Variants in ZPLD1 observed in about 807,000 individuals in gnomAD.
ZPLD1 encodes zona pellucida-like domain-containing protein 1.
ZPLD1 carries 34 observed loss-of-function variants against 47.2 expected under a neutral mutation model. That is an observed-to-expected ratio of 0.72 (90% CI 0.55 to 0.96). ZPLD1 has a LOEUF of 0.96. Among genes scored for constraint, ZPLD1 ranks in the 40% least tolerant of loss-of-function variants. The pLI is 0.00. For missense variants in ZPLD1, 512 were observed against 505.8 expected (o/e 1.01, Z -0.12); for synonymous variants, 176 against 186.2 (o/e 0.95, Z 0.45).
intron 8 of ZPLD1, among the ~76,000 whole-genome samples, chr3:102,425,751 A>G (rs1192817365): frequency 1.3e-5 from 2 of 151,966 alleles, no homozygotes; most frequent in African/African-American, 4.8e-5. Flanking sequence ...AAAGCGTGTT[A>G]ACTTCTTAAG....
At chr3:102,470,214 C>T (rs915585199) in intron 9 of ZPLD1, among the ~76,000 whole-genome samples, 180 bp from the exon 10 acceptor site, 1 of 151,964 alleles carries the variant, frequency 6.6e-6, no homozygotes, top group African/African-American at 2.4e-5. Context: ...GAAATGTGGC[C>T]CAAGCCAGGG....
chr3:102,390,553 A>G (rs1706483686), intron 6 of ZPLD1, among the ~76,000 whole-genome samples: 1 of 152,240 alleles, frequency 6.6e-6, no homozygotes, highest in Non-Finnish European at 1.5e-5. Context: ...CTATCAATTC[A>G]ACATGATGCA....
At chr3:102,462,817 A>T (rs1707529931) in intron 7 of ZPLD1, among the ~76,000 whole-genome samples, 1 of 152,184 alleles carries the variant, frequency 6.6e-6, no homozygotes, top group Non-Finnish European at 1.5e-5. Context: ...CTCCAGAAAC[A>T]TCTCTATAAA....
intron 8 of ZPLD1, among the ~76,000 whole-genome samples, chr3:102,466,899 A>T (rs146635631): frequency 2.0e-5 from 3 of 152,052 alleles, no homozygotes; most frequent in African/African-American, 7.2e-5. Context: ...AAATAATAGA[A>T]CACATTGTTT....
chr3:102,471,710 G>C (rs533040764), intron 10 of ZPLD1, among the ~76,000 whole-genome samples: 2 of 152,236 alleles, frequency 1.3e-5, no homozygotes, highest in African/African-American at 4.8e-5. Flanking sequence ...TTTAGCTTTT[G>C]TTCTAACATG....
At chr3:102,468,907 T>C in intron 8 of ZPLD1, 57 bp from the exon 9 acceptor site, 1 of 1,515,396 alleles carries the variant, frequency 6.6e-7, no homozygotes, top group Non-Finnish European at 8.9e-7. Context: ...AATTTACAAG[T>C]CCCAGTAGGT....
At position 102,452,114 on chromosome 3, in the gene ZPLD1, CGTGTGTGTGTGT is replaced by C. The variant is rs56086826; in HGVS notation, c.107-773_107-762del. Among the ~76,000 whole-genome samples, 380 of 141,798 alleles carry C rather than the reference CGTGTGTGTGTGT, an allele frequency of 2.7e-3. 2 individuals are homozygous for C. The highest frequency in any genetic ancestry group is 3.5e-3 in the Middle Eastern group (1 of 288). The allele number at this position is 141,798 out of a possible 152,430, so 93.0% of individuals were successfully genotyped here. ...AATAACCAAATAGAGATATGAAGAC[CGTGTGTGTGTGT>C]GTGTGTGTGTGTGTGTGTGTGTGTG... On this transcript the variant is annotated intron_variant, in intron 3 of 11. Transcript: ENST00000466937.
At chr3:102,424,619 G>A (rs1331050054) in intron 8 of ZPLD1, among the ~76,000 whole-genome samples, 2 of 151,852 alleles carry the variant, frequency 1.3e-5, no homozygotes, top group Non-Finnish European at 2.9e-5. Context: ...TGGGTACCAT[G>A]TTGCTGTCTT....
At chr3:102,455,507 T>C (rs1237397667) in intron 4 of ZPLD1, among the ~76,000 whole-genome samples, 1 of 152,202 alleles carries the variant, frequency 6.6e-6, no homozygotes, top group Non-Finnish European at 1.5e-5. Context: ...AGGAAGACCC[T>C]GAGAAGATTA....
chr3:102,414,031 G>A (rs1389650557), intron 7 of ZPLD1, among the ~76,000 whole-genome samples: 4 of 151,734 alleles, frequency 2.6e-5, no homozygotes, highest in African/African-American at 7.3e-5. Context: ...CGAGCTGTGT[G>A]CTTTCCAGTT....
chr3:102,472,589 A>G (rs1266741868), intron 10 of ZPLD1, among the ~76,000 whole-genome samples: 1 of 151,840 alleles, frequency 6.6e-6, no homozygotes, highest in Non-Finnish European at 1.5e-5. Context: ...TTTGATCTCT[A>G]TCTAGCTTTC....
upstream of ZPLD1, among the ~76,000 whole-genome samples, chr3:102,432,071 A>G (rs1468587383): frequency 6.6e-6 from 1 of 152,220 alleles, no homozygotes; most frequent in Non-Finnish European, 1.5e-5. Context: ...TAGTTGTCCA[A>G]TGCTGGAGTA....
chr3:102,466,203 G>A (rs528026278), intron 8 of ZPLD1, among the ~76,000 whole-genome samples: 18 of 152,256 alleles, frequency 1.2e-4, no homozygotes, highest in African/African-American at 4.3e-4. Context: ...TATCTTTTAA[G>A]TTCAGTCAGC....
chr3:102,451,173 G>A (rs1457812990), intron 3 of ZPLD1, among the ~76,000 whole-genome samples: 3 of 151,816 alleles, frequency 2.0e-5, no homozygotes, highest in Admixed American at 6.6e-5. Flanking sequence ...GACTCACTTT[G>A]CTAGGAAAAA....
At chr3:102,449,154 A>G (rs1336443586) in intron 3 of ZPLD1, among the ~76,000 whole-genome samples, 1 of 152,148 alleles carries the variant, frequency 6.6e-6, no homozygotes, top group African/African-American at 2.4e-5. Flanking sequence ...CATTATTCAC[A>G]TTTGTCCCCT....
intron 6 of ZPLD1, among the ~76,000 whole-genome samples, chr3:102,459,022 G>A (rs570778781): frequency 1.7e-4 from 26 of 149,516 alleles, no homozygotes; most frequent in African/African-American, 5.2e-4. Context: ...CCCGGGAGGC[G>A]GAGGTTGCAG....
At chr3:102,468,854 T>C in intron 8 of ZPLD1, 110 bp from the exon 9 acceptor site, 1 of 1,022,124 alleles carries the variant, frequency 9.8e-7, no homozygotes. Context: ...CATGGTTCTG[T>C]TAGCTCTTAA....
intron 7 of ZPLD1, among the ~76,000 whole-genome samples, chr3:102,402,385 T>G (rs1056408453): frequency 6.6e-6 from 1 of 152,070 alleles, no homozygotes; most frequent in South Asian, 2.1e-4. Flanking sequence ...CACTTTTAAT[T>G]GTACCAAAGC....
upstream of ZPLD1, among the ~76,000 whole-genome samples, chr3:102,431,282 A>G (rs959788041): frequency 3.3e-5 from 5 of 152,338 alleles, no homozygotes; most frequent in South Asian, 2.1e-4. Context: ...TCCTTATGGT[A>G]TACATCAGCA....
Sources: gnomAD v4.1 joint callset for allele counts (sites outside exome capture counted in the v4.1 genomes callset) on GRCh38, gnomAD v4.1.1 for gene constraint, MANE v1.5 for transcripts, NCBI Gene and HGNC (gene_info 2026-07-23, HGNC 2026-07-21) for gene names.